The following KCNMA1 variants were observed in gnomAD, a reference collection of about 807,000 sequenced individuals.
The protein encoded by KCNMA1 is potassium calcium-activated channel subfamily M alpha 1, also known as Calcium-activated potassium channel subunit alpha-1.
Under a neutral mutation model 140.0 loss-of-function variants are expected in KCNMA1, and 29 were observed. The observed-to-expected ratio is 0.21, with a 90% CI of 0.15 to 0.28. The LOEUF (loss-of-function observed/expected upper bound fraction) is 0.28, where lower values mean the gene tolerates loss of function less well. Among genes scored for constraint, KCNMA1 ranks in the 10% least tolerant of loss-of-function variants. The probability of loss-of-function intolerance (pLI) is 1.00; values close to 1 mark genes in which losing one functional copy is unlikely to be tolerated. For synonymous variants in KCNMA1, 612 were observed against 611.9 expected (o/e 1.00, Z 0.00); for missense variants, 880 against 1,602.2 (o/e 0.55, Z 7.70).
chr10:77,522,706 C>A (rs144543224), intron 1 of KCNMA1, among the ~76,000 whole-genome samples: 4 of 152,292 alleles, frequency 2.6e-5, no homozygotes, highest in African/African-American at 9.6e-5. Flanking sequence ...CCTTGCAGGG[C>A]AGCCTTCAAA....
chr10:77,240,742 G>A (rs2154229347), intron 3 of KCNMA1, among the ~76,000 whole-genome samples: 1 of 152,328 alleles, frequency 6.6e-6, no homozygotes, highest in African/African-American at 2.4e-5. Context: ...GCTGGACCTG[G>A]GAAGCCACTT....
intron 6 of KCNMA1, among the ~76,000 whole-genome samples, chr10:77,120,619 C>G (rs1332935903): frequency 6.6e-6 from 1 of 152,100 alleles, no homozygotes; most frequent in Admixed American, 6.6e-5. Context: ...CAAGGACTTC[C>G]CAATCAATGA....
intron 5 of KCNMA1, among the ~76,000 whole-genome samples, chr10:77,139,587 A>T (rs1298079905): frequency 2.0e-5 from 3 of 152,258 alleles, no homozygotes; most frequent in Non-Finnish European, 2.9e-5. Flanking sequence ...AAGGGACTAC[A>T]TTCCATTTTA....
chr10:77,116,451 T>C (rs550228884), intron 6 of KCNMA1, among the ~76,000 whole-genome samples: 6 of 152,062 alleles, frequency 3.9e-5, no homozygotes, highest in South Asian at 4.1e-4. Context: ...GAAAATGCCA[T>C]GCACTTTGTA....
chr10:77,219,545 A>G (rs992409320), intron 3 of KCNMA1, among the ~76,000 whole-genome samples: 7 of 151,212 alleles, frequency 4.6e-5, no homozygotes, highest in Admixed American at 4.6e-4. Flanking sequence ...GTAAAGAAAG[A>G]TCAGTGTTTT....
intron 25 of KCNMA1, among the ~76,000 whole-genome samples, chr10:76,900,765 G>GA (rs2044842017): frequency 6.6e-6 from 1 of 151,880 alleles, no homozygotes; most frequent in Non-Finnish European, 1.5e-5. Context: ...GGCCTCCTAG[G>GA]AAAAATGACA....
rs67566528 is a variant in KCNMA1, at chr10:77,126,725, AC to A, written c.809-5678del. On this transcript the variant is annotated intron_variant, in intron 5 of 27. Coordinates refer to ENST00000286628, the MANE Select transcript of KCNMA1 (RefSeq NM_001161352.2). ...CAGTGGTGGTGCCCCCCACCCCCCC[AC>A]CCCCCCCCCACCACCACACACAAAT... Among the ~76,000 whole-genome samples, 675 of 123,792 alleles carry A rather than the reference AC, an allele frequency of 5.5e-3. 5 individuals are homozygous for A. The highest frequency in any genetic ancestry group is 8.5e-3 in the Middle Eastern group (2 of 236). The allele number at this position is 123,792 out of a possible 152,430, so 81.2% of individuals were successfully genotyped here. A position where few individuals can be genotyped will look rare whatever the true frequency, so the allele number is the denominator to read the frequency against.
intron 2 of KCNMA1, among the ~76,000 whole-genome samples, chr10:77,346,437 A>C (rs534568345): frequency 3.2e-4 from 49 of 152,008 alleles, no homozygotes; most frequent in African/African-American, 1.2e-3. Context: ...ACCTTGGGTC[A>C]TTTGTTTTGT....
At chr10:77,544,337 A>G (rs942691663) in intron 1 of KCNMA1, among the ~76,000 whole-genome samples, 3 of 152,176 alleles carry the variant, frequency 2.0e-5, no homozygotes, top group Non-Finnish European at 4.4e-5. Flanking sequence ...AAAATTCCCA[A>G]GTGGTTGAGA....
At chr10:76,903,830 C>T (rs2046620170) in intron 25 of KCNMA1, 1 of 152,150 alleles carries the variant, frequency 6.6e-6, no homozygotes, top group Admixed American at 6.5e-5. Flanking sequence ...GTCACACCCT[C>T]CAGTCTTACT....
In KCNMA1 at chr10:77,035,502, T is replaced by C. The variant is rs190392618; in HGVS notation, c.1859+4026A>G. On this transcript the variant is annotated intron_variant, in intron 15 of 27. Coordinates refer to ENST00000286628, the MANE Select transcript of KCNMA1 (RefSeq NM_001161352.2). ...GCAGCCACCCTAGGGAAACTGAATA[T>C]TTTACTTGGCATTTGTTGGCATTTG... Among the ~76,000 whole-genome samples the C allele has an allele frequency of 1.5e-3, 228 of 151,636 alleles. 1 individual carries two copies. The highest frequency in any genetic ancestry group is 5.3e-3 in the African/African-American group (216 of 41,012).
intron 3 of KCNMA1, among the ~76,000 whole-genome samples, chr10:77,193,916 A>G (rs899505363): frequency 3.9e-5 from 6 of 152,204 alleles, no homozygotes; most frequent in Non-Finnish European, 8.8e-5. Flanking sequence ...TCCTAGGGAA[A>G]CAAGAATAGA....
At chr10:77,023,995 T>A (rs1370088634) in intron 16 of KCNMA1, among the ~76,000 whole-genome samples, 2 of 152,216 alleles carry the variant, frequency 1.3e-5, no homozygotes, top group East Asian at 3.9e-4. Flanking sequence ...TGCATCCATC[T>A]CAGTAACTTT....
intron 3 of KCNMA1, among the ~76,000 whole-genome samples, chr10:77,198,522 G>T (rs1218653455): frequency 6.8e-6 from 1 of 146,664 alleles, no homozygotes; most frequent in East Asian, 2.0e-4. Context: ...ATTCTCAAAG[G>T]TATTTCTTAT....
Position 77,110,248 on chromosome 10 carries a change from G to A in KCNMA1, c.1056C>T (p.Thr352=), listed in dbSNP as rs75207686. The A allele has an allele frequency of 5.3e-4, 856 of 1,613,862 alleles. 5 individuals carry two copies. The Admixed American group carries it at 0.012, about 22-fold the overall frequency. The change falls in exon 8 of 28, where the codon ACC becomes ACT. Residue 352 remains threonine (T), a synonymous_variant. Transcript: ENST00000286628. ...TTGCATAAACATCCCCATAACCAAC[G>A]GTGGACATTGTGACCATGAGTAAAT... ...CVYLLMVTMS[T]VGYGDVYAKT... is the part of the protein sequence containing the mutation.
intron 3 of KCNMA1, among the ~76,000 whole-genome samples, chr10:77,243,047 C>T (rs891381636): frequency 6.6e-6 from 1 of 152,044 alleles, no homozygotes; most frequent in Non-Finnish European, 1.5e-5. Flanking sequence ...ATTTTTAAGC[C>T]ACAAATGACT....
At chr10:77,370,300 T>C (rs2094604488) in intron 2 of KCNMA1, among the ~76,000 whole-genome samples, 1 of 152,048 alleles carries the variant, frequency 6.6e-6, no homozygotes, top group African/African-American at 2.4e-5. Flanking sequence ...GAGAAAGATA[T>C]GAAAACAGCA....
At chr10:77,395,922 G>T (rs1412512208) in intron 2 of KCNMA1, among the ~76,000 whole-genome samples, 1 of 152,190 alleles carries the variant, frequency 6.6e-6, no homozygotes, top group Admixed American at 6.5e-5. Context: ...TGCAAATCTA[G>T]TGTATCTTTC....
intron 2 of KCNMA1, among the ~76,000 whole-genome samples, chr10:77,361,110 C>T (rs931374104): frequency 6.6e-6 from 1 of 152,192 alleles, no homozygotes. Context: ...CAGATGTTCT[C>T]ATCTATGAAA....
Sources: allele counts gnomAD v4.1 joint callset (sites outside exome capture counted in the v4.1 genomes callset), GRCh38; gene constraint gnomAD v4.1.1; transcripts MANE v1.5; gene names NCBI Gene and HGNC (gene_info 2026-07-23, HGNC 2026-07-21).